PCDHGA6: variants seen among roughly 807,000 people sequenced by gnomAD.
The protein encoded by PCDHGA6 is protocadherin gamma-A6.
PCDHGA6 carries 41 observed loss-of-function variants against 60.6 expected under a neutral mutation model. The ratio of observed to expected loss-of-function variants is 0.68; its 90% CI spans 0.53 to 0.88. The LOEUF is 0.88. Ranked by LOEUF, PCDHGA6 falls within the 40% of genes least tolerant of loss-of-function variation. The pLI is 0.00. For synonymous variants in PCDHGA6, 594 were observed against 524.4 expected (o/e 1.13, Z -1.81); for missense variants, 1,312 against 1,203.0 (o/e 1.09, Z -1.34).
At position 141,478,876 on chromosome 5, in the gene PCDHGA6, C is replaced by A. The variant is rs2099482470; in HGVS notation, c.2425-15931C>A. 30 of 1,265,748 alleles carry A rather than the reference C, an allele frequency of 2.4e-5. No individual in the cohort carries two copies. The South Asian group carries it at 4.7e-4, about 20-fold the overall frequency. 78.4% of individuals were successfully genotyped at this position (1,265,748 alleles called of 1,614,324 possible). On this transcript the variant is annotated intron_variant, in intron 1 of 3. Transcript: ENST00000517434. ...CAAGATCTCAGCGATCAGAGTTTAGCTTGGTATCATTTACATTAGGAATAA... is the reference window on the plus strand; with the variant it reads ...CAAGATCTCAGCGATCAGAGTTTAGATTGGTATCATTTACATTAGGAATAA...
rs757308340 is a variant in PCDHGA6, at chr5:141,487,575, G to A, written c.2425-7232G>A. ...GCACCTATGGCAGGGGAGCCTGTTC[G>A]CCCAAGCTGCCCACCCTCTGATCTT... On this transcript the variant is annotated intron_variant, in intron 1 of 3. Coordinates refer to ENST00000517434, the MANE Select transcript of PCDHGA6 (RefSeq NM_018919.3). This position sits in a 1 kb window ranked among gnomAD's most constrained non-coding sequence, Gnocchi z 5.0. The A allele has an allele frequency of 3.1e-6, 5 of 1,614,018 alleles. No homozygotes were observed. In the African/African-American group the frequency reaches 4.0e-5, roughly 13 times the overall value.
chr5:141,421,611 T>C lies in PCDHGA6; in HGVS notation c.2424+45104T>C, dbSNP rs747573417. 6.8e-6 allele frequency: 11 copies of C among 1,613,694 alleles called. No homozygotes were observed. The African/African-American group carries it at 1.3e-4, about 20-fold the overall frequency. On this transcript the variant is annotated intron_variant, in intron 1 of 3. Transcript: ENST00000517434. ...TGGAGGTGGAAATAATAGATATTAA[T>C]GATAACGCCCCCAGCTTCCAGGAGG...
chr5:141,477,988 C>T lies in PCDHGA6; in HGVS notation c.2425-16819C>T, dbSNP rs771241128. The T allele has an allele frequency of 6.2e-7, 1 of 1,614,160 alleles. No individual in the cohort carries two copies. Among genetic ancestry groups the T allele is most frequent in the Non-Finnish European group, 8.5e-7 (1 of 1,180,032 alleles). On this transcript the variant is annotated intron_variant, in intron 1 of 3. Coordinates refer to ENST00000517434, the MANE Select transcript of PCDHGA6 (RefSeq NM_018919.3). This position sits in a 1 kb window ranked among gnomAD's most constrained non-coding sequence, Gnocchi z 4.9. ...AGAGCCTTTTTGCCATAGGGCTGCA[C>T]ACTGGTCAAATCAGTACTGCCCGTC...
At chr5:141,389,944 A>T in intron 1 of PCDHGA6, 1 of 1,613,974 alleles carries the variant, frequency 6.2e-7, no homozygotes, top group East Asian at 2.2e-5. Context: ...GCTGAGCTGC[A>T]GTTTTACCTA....
In PCDHGA6 at chr5:141,430,200, T is replaced by G. The variant is rs182960813; in HGVS notation, c.2424+53693T>G. Among the ~76,000 whole-genome samples the G allele has an allele frequency of 8.2e-4, 124 of 152,052 alleles. 2 individuals are homozygous for G. Among genetic ancestry groups the G allele is most frequent in the African/African-American group, 2.9e-3 (119 of 41,468 alleles). ...CCCAAATTATAGCTGAATCAGAAAG[T>G]TTAAATTATTATATTATATGATTTG... On this transcript the variant is annotated intron_variant, in intron 1 of 3. Transcript: ENST00000517434.
At chr5:141,484,878 G>C (rs2099602522) in intron 1 of PCDHGA6, 1 of 341,888 alleles carries the variant, frequency 2.9e-6, no homozygotes, top group Non-Finnish European at 5.3e-6. Flanking sequence ...TGGAGGATAG[G>C]GTGGGCTTTT....
intron 1 of PCDHGA6, chr5:141,419,105 C>G: frequency 6.2e-7 from 1 of 1,613,918 alleles, no homozygotes; most frequent in Non-Finnish European, 8.5e-7. Context: ...GGAGCAGACC[C>G]CAGAGTACAA....
At chr5:141,376,675 C>CGTTTTTT (rs1773024325) in intron 1 of PCDHGA6, 168 bp downstream of exon 1, 1 of 343,980 alleles carries the variant, frequency 2.9e-6, no homozygotes, top group African/African-American at 3.4e-5. Context: ...GTGAGGGTAT[C>CGTTTTTT]GTTTTTTTTT....
chr5:141,397,248 T>C (rs2093496152), intron 1 of PCDHGA6, among the ~76,000 whole-genome samples: 1 of 152,168 alleles, frequency 6.6e-6, no homozygotes, highest in South Asian at 2.1e-4. Flanking sequence ...CGTAGTAGGG[T>C]ATATCATTTC....
chr5:141,418,681 C>T (rs778899235), intron 1 of PCDHGA6: 2 of 1,614,052 alleles, frequency 1.2e-6, no homozygotes, highest in Non-Finnish European at 1.7e-6. Flanking sequence ...AGGGCATCAA[C>T]TCAGAGATCA....
chr5:141,375,308 G>T lies in PCDHGA6; in HGVS notation c.1225G>T (p.Ala409Ser), dbSNP rs761294258. 1.5e-5 allele frequency: 24 copies of T among 1,613,722 alleles called. No homozygotes were observed. Among genetic ancestry groups the T allele is most frequent in the Non-Finnish European group, 8.5e-7 (1 of 1,179,900 alleles). Residue 409 changes from alanine to serine, a missense_variant, in exon 1 of 4, where the codon GCT (alanine) becomes TCT (serine). Physicochemically the swap from Ala to Ser is moderately conservative, Grantham distance 99. Transcript: ENST00000517434. ...GNYYRLVTNAALDREEVFLYN... is the reference protein window; with the variant it reads ...GNYYRLVTNASLDREEVFLYN... ...TTATTATCGATTAGTGACAAATGCA[G>T]CTCTAGACCGGGAAGAGGTATTCTT...
Position 141,431,103 on chromosome 5 carries a change from A to C in PCDHGA6, c.2424+54596A>C, listed in dbSNP as rs769542343. On this transcript the variant is annotated intron_variant, in intron 1 of 3. Coordinates refer to ENST00000517434, the MANE Select transcript of PCDHGA6 (RefSeq NM_018919.3). This position sits in a 1 kb window ranked among gnomAD's most constrained non-coding sequence, Gnocchi z 4.8. ...GACATTCTGATGGAGGATAAAGTGA[A>C]AATATATGGAGTAGAAGTAGAAGTA... 6.2e-7 allele frequency: 1 copy of C among 1,614,246 alleles called. No individual in the cohort carries two copies.
intron 2 of PCDHGA6, among the ~76,000 whole-genome samples, chr5:141,503,365 G>A (rs2099819492): frequency 6.6e-6 from 1 of 152,020 alleles, no homozygotes; most frequent in East Asian, 1.9e-4. Flanking sequence ...GGGAAGCGGA[G>A]GCAGGTGGAT....
intron 1 of PCDHGA6, chr5:141,415,153 G>T: frequency 2.5e-6 from 4 of 1,613,780 alleles, no homozygotes; most frequent in Non-Finnish European, 3.4e-6. Context: ...CCCTCTCTCC[G>T]CCACTGTCAC....
At position 141,410,774 on chromosome 5, in the gene PCDHGA6, C is replaced by T; in HGVS notation, c.2424+34267C>T. 4 of 955,126 alleles carry T rather than the reference C, an allele frequency of 4.2e-6. No individual in the cohort carries two copies. The South Asian group carries it at 6.1e-5, about 15-fold the overall frequency. The allele number at this position is 955,126 out of a possible 1,614,324, so 59.2% of individuals were successfully genotyped here. ...AATGTTTTTTCAATTATAGTTTTCA[C>T]TATGTATTTGGTTCATAAGTTGCTC... On this transcript the variant is annotated intron_variant, in intron 1 of 3. Coordinates refer to ENST00000517434, the MANE Select transcript of PCDHGA6 (RefSeq NM_018919.3).
rs560197175 is a variant in PCDHGA6, at chr5:141,434,430, G to A, written c.2424+57923G>A. Among the ~76,000 whole-genome samples the A allele has an allele frequency of 2.4e-4, 36 of 152,326 alleles. 1 individual carries two copies. In the South Asian group the frequency reaches 6.4e-3, roughly 27 times the overall value. On this transcript the variant is annotated intron_variant, in intron 1 of 3. Coordinates refer to ENST00000517434, the MANE Select transcript of PCDHGA6 (RefSeq NM_018919.3). ...GCACTGTGACATGTTCATGATGGCC[G>A]TAATGCCCATGCTGGAAGGTAGTGG...
rs768635851 is a variant in PCDHGA6 at position 141,489,334 on chromosome 5, C to G, written c.2425-5473C>G. 2 of 1,606,614 alleles carry G rather than the reference C, an allele frequency of 1.2e-6. No individual in the cohort carries two copies. Among genetic ancestry groups the G allele is most frequent in the Non-Finnish European group, 1.7e-6 (2 of 1,175,584 alleles). On this transcript the variant is annotated intron_variant, in intron 1 of 3. Coordinates refer to ENST00000517434, the MANE Select transcript of PCDHGA6 (RefSeq NM_018919.3). The surrounding 1 kb of genome is among the most constrained non-coding windows in gnomAD (Gnocchi z 4.5). Reference sequence around the variant, plus strand: ...CTGGGGCTGGGTGTCTGGGCAGCTTCGTTACTCAGTGGTGGAGGAGTCTGA... The same window carrying G: ...CTGGGGCTGGGTGTCTGGGCAGCTTGGTTACTCAGTGGTGGAGGAGTCTGA...
chr5:141,419,730 G>A (rs747960969), intron 1 of PCDHGA6: 9 of 1,613,746 alleles, frequency 5.6e-6, no homozygotes, highest in Non-Finnish European at 7.6e-6. Context: ...CTGCGAACAG[G>A]CGAGGTGCGC....
intron 1 of PCDHGA6, among the ~76,000 whole-genome samples, chr5:141,397,238 C>A (rs2093493095): frequency 6.6e-6 from 1 of 151,972 alleles, no homozygotes; most frequent in African/African-American, 2.4e-5. Flanking sequence ...AGAAGAGCAA[C>A]GTAGTAGGGT....
Sources: allele counts gnomAD v4.1 joint callset (sites outside exome capture counted in the v4.1 genomes callset), GRCh38; gene constraint gnomAD v4.1.1; non-coding constraint Gnocchi (gnomAD v3.1); transcripts MANE v1.5; gene names NCBI Gene and HGNC (gene_info 2026-07-23, HGNC 2026-07-21).